The following PCDH20 variants were observed in gnomAD, a reference collection of about 807,000 sequenced individuals.
PCDH20 encodes the protein protocadherin 20, also known as protocadherin-20.
PCDH20 carries 18 observed loss-of-function variants against 39.7 expected under a neutral mutation model. The ratio of observed to expected loss-of-function variants is 0.45; its 90% CI spans 0.31 to 0.67. The LOEUF is 0.67. Ranked by LOEUF, PCDH20 falls within the 30% of genes least tolerant of loss-of-function variation. PCDH20 has a pLI of 0.05. For synonymous variants in PCDH20, 495 were observed against 455.4 expected (o/e 1.09, Z -1.11); for missense variants, 1,161 against 1,167.4 (o/e 0.99, Z 0.08).
rs1397133525 is a variant in PCDH20, at chr13:61,411,526, C to A, written c.2573G>T (p.Arg858Ile). Residue 858 changes from arginine to isoleucine, a missense_variant, in exon 2 of 2, where the codon AGA becomes ATA. Physicochemically the swap from Arg to Ile is moderately conservative, Grantham distance 97. Transcript: ENST00000409204. ...CTCTATATTAATCTCTGGTTCTTTT[C>A]TTAAAAGACTCTCAATGTAACTCTC... The A allele has an allele frequency of 1.9e-6, 3 of 1,614,008 alleles. No homozygotes were observed. The African/African-American group carries it at 4.0e-5, about 22-fold the overall frequency.
chr13:61,415,264 C>T lies in PCDH20; in HGVS notation c.-106G>A, dbSNP rs1028624765. ...GGGAACTTCAGCCAATAGTCACTGG[C>T]TCTTCAATTAAGGACGGGAACTCAA... On this transcript the variant is annotated 5_prime_UTR_variant, in exon 1 of 2. Coordinates refer to ENST00000409204, the Ensembl canonical transcript of PCDH20. 4.0e-6 allele frequency: 5 copies of T among 1,238,954 alleles called. No individual in the cohort carries two copies. The African/African-American group carries it at 6.3e-5, about 15-fold the overall frequency. 76.7% of individuals were successfully genotyped at this position (1,238,954 alleles called of 1,614,324 possible). A position where few individuals can be genotyped will look rare whatever the true frequency, so the allele number is the denominator to read the frequency against.
exon 1 of PCDH20, chr13:61,415,430 A>G: frequency 3.0e-6 from 1 of 334,184 alleles, no homozygotes. Context: ...GGGGTTGGGC[A>G]CAGTAGCGCT....
exon 2 of PCDH20, chr13:61,412,586 C>T: frequency 6.2e-7 from 1 of 1,614,124 alleles, no homozygotes; most frequent in Non-Finnish European, 8.5e-7. Flanking sequence ...ACCACAGCTA[C>T]TTCATAGAAC....
chr13:61,415,200 G>C (rs1477034957), exon 1 of PCDH20: 1 of 1,337,838 alleles, frequency 7.5e-7, no homozygotes, highest in East Asian at 3.0e-5. Context: ...AAGGGAGGGC[G>C]GCAGAAGACA....
chr13:61,412,430 G>C, exon 2 of PCDH20: 1 of 1,614,116 alleles, frequency 6.2e-7, no homozygotes, highest in Non-Finnish European at 8.5e-7. Flanking sequence ...GTAGCATACA[G>C]CTTAGTCAAA....
exon 2 of PCDH20, chr13:61,413,723 G>C: frequency 6.2e-7 from 1 of 1,613,952 alleles, no homozygotes; most frequent in Non-Finnish European, 8.5e-7. Context: ...TGGCCACTCA[G>C]TCCCCGGGAG....
At chr13:61,412,598 G>T in exon 2 of PCDH20, 1 of 1,614,086 alleles carries the variant, frequency 6.2e-7, no homozygotes, top group Non-Finnish European at 8.5e-7. Flanking sequence ...TCATAGAACT[G>T]CTGTAGCTCA....
At chr13:61,411,513 C>A (rs1192545189) in exon 2 of PCDH20, 3 of 1,614,146 alleles carry the variant, frequency 1.9e-6, no homozygotes, top group Non-Finnish European at 2.5e-6. Flanking sequence ...CTATATTAAT[C>A]TCTGGTTCTT....
At position 61,413,972 on chromosome 13, in the gene PCDH20, GT is replaced by G; in HGVS notation, c.133-7del. The G allele has an allele frequency of 1.0e-5, 16 of 1,601,256 alleles. 1 individual carries two copies. Among genetic ancestry groups the G allele is most frequent in the South Asian group, 8.8e-5 (8 of 90,424 alleles). ...AGGAAAAACAGAAACAGATGCTGGA[GT>G]TGGGGGAGGGAAGAAAGCTCATTAC... On this transcript the variant is annotated splice_region_variant and splice_polypyrimidine_tract_variant and intron_variant, in intron 1 of 1. Coordinates refer to ENST00000409204, the Ensembl canonical transcript of PCDH20.
exon 2 of PCDH20, chr13:61,411,126 A>C (rs1233301244): frequency 1.2e-6 from 1 of 862,826 alleles, no homozygotes; most frequent in Non-Finnish European, 1.8e-6. Context: ...TTTACAATAT[A>C]GAACAAGTTA....
exon 2 of PCDH20, chr13:61,413,924 G>T: frequency 6.2e-7 from 1 of 1,612,902 alleles, no homozygotes; most frequent in Non-Finnish European, 8.5e-7. Context: ...TAACTCCCGA[G>T]GCAGCTGAAG....
chr13:61,413,491 T>C (rs753024992), exon 2 of PCDH20: 14 of 1,613,442 alleles, frequency 8.7e-6, no homozygotes, highest in Non-Finnish European at 1.2e-5. Context: ...GGCGTTGTCA[T>C]TGATGTCTCT....
chr13:61,415,125 C>T, exon 1 of PCDH20: 1 of 1,518,582 alleles, frequency 6.6e-7, no homozygotes, highest in African/African-American at 1.4e-5. Flanking sequence ...ACTCCCAGGG[C>T]CTGTGAGCTG....
chr13:61,412,030 C>T, exon 2 of PCDH20: 1 of 1,614,138 alleles, frequency 6.2e-7, no homozygotes, highest in Non-Finnish European at 8.5e-7. Context: ...CATACCCTTT[C>T]CTGTATCTAT....
exon 2 of PCDH20, chr13:61,413,115 A>G (rs1371233845): frequency 1.9e-6 from 3 of 1,614,160 alleles, no homozygotes; most frequent in Non-Finnish European, 2.5e-6. Context: ...TCCCATACAC[A>G]GTGACATTGA....
At chr13:61,415,267 T>G in exon 1 of PCDH20, 1 of 1,212,096 alleles carries the variant, frequency 8.3e-7, no homozygotes, top group Non-Finnish European at 1.1e-6. Context: ...TCACTGGCTC[T>G]TCAATTAAGG....
exon 2 of PCDH20, chr13:61,411,750 G>C: frequency 2.5e-6 from 4 of 1,614,176 alleles, no homozygotes; most frequent in Non-Finnish European, 3.4e-6. Flanking sequence ...TCCCTATGAT[G>C]CTGTAAGCTA....
In PCDH20 at chr13:61,413,630, C is replaced by T. The variant is rs376715154; in HGVS notation, c.469G>A (p.Gly157Ser). 2.2e-4 allele frequency: 358 copies of T among 1,614,170 alleles called. 2 individuals are homozygous for T. In the South Asian group the frequency reaches 2.5e-3, roughly 11 times the overall value. ...CTGCCGCTCCACGCAGTCCCTCCAC[C>T]CCCTTCAACACACAGGGCCTCCCTG... The change falls in exon 2 of 2, where the codon GGT becomes AGT. Residue 157 changes from glycine to serine, a missense_variant. Transcript: ENST00000409204.
chr13:61,413,478 C>T lies in PCDH20; in HGVS notation c.621G>A (p.Pro207=), dbSNP rs551169845. The T allele has an allele frequency of 3.1e-6, 5 of 1,613,692 alleles. No individual in the cohort carries two copies. The African/African-American group carries it at 4.0e-5, about 13-fold the overall frequency. ...CCGAGATCTGGGAAACAGGGAACTG[C>T]GGGGCGTTGTCATTGATGTCTCTGA... is the stretch of plus-strand genomic sequence containing the variant. Residue 207 remains proline, a synonymous_variant, in exon 2 of 2, where the codon CCG becomes CCA. Transcript: ENST00000409204.
Sources: gnomAD v4.1 joint callset for allele counts on GRCh38, gnomAD v4.1.1 for gene constraint, MANE v1.5 for transcripts, NCBI Gene and HGNC (gene_info 2026-07-23, HGNC 2026-07-21) for gene names.